The following SSH2 variants were observed in gnomAD, a reference collection of about 807,000 sequenced individuals.
The protein encoded by SSH2 is protein phosphatase Slingshot homolog 2.
In SSH2, 37 loss-of-function variants were observed where a neutral mutation model predicts 135.2. The observed-to-expected ratio is 0.27, with a 90% CI of 0.21 to 0.36. The LOEUF (loss-of-function observed/expected upper bound fraction) is 0.36, where lower values mean the gene tolerates loss of function less well. Ranked by LOEUF, SSH2 falls within the 10% of genes least tolerant of loss-of-function variation. SSH2 has a pLI of 1.00. For synonymous variants in SSH2, 628 were observed against 646.2 expected, an observed-to-expected ratio of 0.97 and a Z score of 0.43; for missense variants, 1,408 against 1,765.3, an observed-to-expected ratio of 0.80 and a Z score of 3.63.
intron 3 of SSH2, among the ~76,000 whole-genome samples, chr17:29,735,086 C>T (rs1017319759): frequency 1.8e-4 from 28 of 152,188 alleles, no homozygotes; most frequent in Non-Finnish European, 2.9e-4. Flanking sequence ...AAAGCTATGG[C>T]CTTTTCCTCC....
At chr17:29,709,859 T>C (rs2039373693) in intron 3 of SSH2, among the ~76,000 whole-genome samples, 1 of 152,120 alleles carries the variant, frequency 6.6e-6, no homozygotes, top group African/African-American at 2.4e-5. Flanking sequence ...AGTTGTAATA[T>C]CTGTTGGGAA....
intron 5 of SSH2, among the ~76,000 whole-genome samples, chr17:29,692,828 G>A (rs1228259435): frequency 6.6e-6 from 1 of 152,186 alleles, no homozygotes; most frequent in African/African-American, 2.4e-5. Context: ...TTCGAAACTG[G>A]CTTAAAAATA....
intron 3 of SSH2, among the ~76,000 whole-genome samples, chr17:29,768,053 G>A (rs563078336): frequency 1.3e-5 from 2 of 152,018 alleles, no homozygotes; most frequent in East Asian, 3.9e-4. Context: ...ATTTTCCTGT[G>A]CATTATTAGT....
intron 3 of SSH2, among the ~76,000 whole-genome samples, chr17:29,777,107 G>A (rs927614686): frequency 1.3e-5 from 2 of 152,034 alleles, no homozygotes; most frequent in Admixed American, 6.5e-5. Context: ...AGCTACTTGG[G>A]AGGCTGAGGC....
chr17:29,733,986 T>C (rs1352588324), intron 3 of SSH2, among the ~76,000 whole-genome samples: 4 of 151,108 alleles, frequency 2.6e-5, no homozygotes, highest in South Asian at 2.1e-4. Flanking sequence ...TCTTGGCTCA[T>C]TGCCTCACTG....
At chr17:29,676,322 G>C (rs190794455) in intron 8 of SSH2, 4 of 153,842 alleles carry the variant, frequency 2.6e-5, no homozygotes, top group African/African-American at 9.6e-5. Flanking sequence ...TGTAGTCCCA[G>C]CTACTCAGGA....
In SSH2 at chr17:29,650,895, T is replaced by C. The variant is rs142723136; in HGVS notation, c.1080-95A>G. ...TCTTACTTAAAACTTGTTTATTCCA[T>C]AGACTGAAATTAAATACAAAAATAA... On this transcript the variant is annotated intron_variant, in intron 12 of 15. Coordinates refer to ENST00000540801, the MANE Select transcript of SSH2 (RefSeq NM_001282129.2). 4.8e-5 allele frequency: 47 copies of C among 978,814 alleles called. No homozygotes were observed. The African/African-American group carries it at 7.6e-4, about 16-fold the overall frequency. 60.6% of individuals were successfully genotyped at this position (978,814 alleles called of 1,614,324 possible). A position where few individuals can be genotyped will look rare whatever the true frequency, so the allele number is the denominator to read the frequency against.
chr17:29,669,105 C>T (rs751079681), intron 9 of SSH2, among the ~76,000 whole-genome samples: 71 of 151,890 alleles, frequency 4.7e-4, no homozygotes, highest in Non-Finnish European at 7.9e-4. Flanking sequence ...AAAAATTAGC[C>T]GGGCATGGTG....
chr17:29,693,074 T>A (rs996166019), intron 5 of SSH2, among the ~76,000 whole-genome samples: 1 of 152,108 alleles, frequency 6.6e-6, no homozygotes, highest in African/African-American at 2.4e-5. Flanking sequence ...ATACTCCCAC[T>A]GCAGCCTCCC....
chr17:29,811,757 G>T, intron 2 of SSH2, among the ~76,000 whole-genome samples: 1 of 152,054 alleles, frequency 6.6e-6, no homozygotes, highest in South Asian at 2.1e-4. Flanking sequence ...TGTAGAGACA[G>T]AGTCTCACTA....
chr17:29,690,524 T>C (rs2038424456), intron 5 of SSH2, among the ~76,000 whole-genome samples: 2 of 151,770 alleles, frequency 1.3e-5, no homozygotes. Flanking sequence ...AACTACATTA[T>C]AAAGGCCCAA....
chr17:29,833,149 T>G (rs2042877254), intron 2 of SSH2, among the ~76,000 whole-genome samples: 2 of 152,246 alleles, frequency 1.3e-5, no homozygotes, highest in Non-Finnish European at 2.9e-5. Context: ...TTTGATTTTC[T>G]GTCTGGATGA....
intron 3 of SSH2, among the ~76,000 whole-genome samples, chr17:29,781,805 TTCTCC>T (rs548789835): frequency 2.8e-4 from 42 of 151,572 alleles, no homozygotes; most frequent in South Asian, 1.3e-3. Context: ...TTCTCTTTTC[TTCTCC>T]TCTCCTCTCC....
At chr17:29,755,649 T>A (rs7216771) in intron 3 of SSH2, among the ~76,000 whole-genome samples, 2,917 of 151,788 alleles carry the variant, frequency 0.019, 83 homozygotes, top group African/African-American at 0.062. Context: ...TCACTTTTTT[T>A]AATTTTCTTT....
At chr17:29,707,209 G>A (rs754890140) in intron 3 of SSH2, 4 of 151,190 alleles carry the variant, frequency 2.6e-5, no homozygotes, top group Non-Finnish European at 5.9e-5. Flanking sequence ...TTTTTTTATA[G>A]ATACATTTGT....
intron 1 of SSH2, among the ~76,000 whole-genome samples, chr17:29,917,538 G>C (rs1446487201): frequency 1.3e-5 from 2 of 152,134 alleles, no homozygotes; most frequent in East Asian, 3.8e-4. Flanking sequence ...ACAAACTTCT[G>C]CTGAACTGCC....
chr17:29,753,399 G>A (rs1355012645), intron 3 of SSH2, among the ~76,000 whole-genome samples: 1 of 151,870 alleles, frequency 6.6e-6, no homozygotes, highest in Non-Finnish European at 1.5e-5. Context: ...CCAAAGTGCT[G>A]GGATTATAGG....
At chr17:29,727,896 G>A (rs2040053631) in intron 3 of SSH2, among the ~76,000 whole-genome samples, 1 of 152,160 alleles carries the variant, frequency 6.6e-6, no homozygotes, top group Non-Finnish European at 1.5e-5. Context: ...ATCCTTGTTT[G>A]CAGGCCAGGC....
intron 2 of SSH2, among the ~76,000 whole-genome samples, chr17:29,817,635 C>A (rs970550669): frequency 6.6e-6 from 1 of 152,154 alleles, no homozygotes. Context: ...GTCATCCCTC[C>A]ATATCCATGA....
Sources: allele counts gnomAD v4.1 joint callset (sites outside exome capture counted in the v4.1 genomes callset), GRCh38; gene constraint gnomAD v4.1.1; transcripts MANE v1.5; gene names NCBI Gene and HGNC (gene_info 2026-07-23, HGNC 2026-07-21).